MAPK8: variants seen among roughly 807,000 people sequenced by gnomAD.
MAPK8 encodes the protein JUN N-terminal kinase.
In MAPK8, 13 loss-of-function variants were observed where a neutral mutation model predicts 52.9. That is an observed-to-expected ratio of 0.25 (90% CI 0.16 to 0.39). The LOEUF (loss-of-function observed/expected upper bound fraction) is 0.39. Ranked by LOEUF, MAPK8 falls within the 10% of genes least tolerant of loss-of-function variation. MAPK8 has a pLI of 1.00. For missense variants in MAPK8, 300 were observed against 519.2 expected, an observed-to-expected ratio of 0.58 and a Z score of 4.10; for synonymous variants, 191 against 169.8, an observed-to-expected ratio of 1.12 and a Z score of -0.97.
At chr10:48,319,951 T>C (rs562873623) in intron 1 of MAPK8, among the ~76,000 whole-genome samples, 1 of 147,884 alleles carries the variant, frequency 6.8e-6, no homozygotes, top group Admixed American at 6.8e-5. Flanking sequence ...AGTTTCACCC[T>C]TGTTGCCCAG....
chr10:48,404,740 T>A, intron 2 of MAPK8, 112 bp from the exon 3 acceptor site: 1 of 740,284 alleles, frequency 1.4e-6, no homozygotes. Context: ...TTGGAAGGGA[T>A]CCAGTTACTT....
At chr10:48,324,503 G>GTTTTTTTTTTTGTT (rs1843293429) in intron 1 of MAPK8, among the ~76,000 whole-genome samples, 1 of 118,020 alleles carries the variant, frequency 8.5e-6, no homozygotes, top group African/African-American at 3.6e-5. Flanking sequence ...CTGTTTTCTA[G>GTTTTTTTTTTTGTT]TTTTTTTTTT....
intron 5 of MAPK8, among the ~76,000 whole-genome samples, chr10:48,419,042 T>C (rs2043209580): frequency 2.0e-5 from 3 of 152,192 alleles, no homozygotes; most frequent in Admixed American, 2.0e-4. Context: ...ATTTACAGAA[T>C]ACCAATAATG....
chr10:48,409,059 T>G (rs1336261665), intron 3 of MAPK8, among the ~76,000 whole-genome samples: 4 of 152,142 alleles, frequency 2.6e-5, no homozygotes, highest in African/African-American at 9.7e-5. Context: ...TCACATTGGG[T>G]GCTAGGAGTT....
At chr10:48,318,011 C>T (rs1842667855) in intron 1 of MAPK8, among the ~76,000 whole-genome samples, 1 of 150,884 alleles carries the variant, frequency 6.6e-6, no homozygotes, top group Admixed American at 6.6e-5. Flanking sequence ...TGAATTTACC[C>T]AGGGTGAGAT....
intron 3 of MAPK8, among the ~76,000 whole-genome samples, chr10:48,408,385 C>G (rs2042577979): frequency 6.6e-6 from 1 of 152,102 alleles, no homozygotes; most frequent in Non-Finnish European, 1.5e-5. Flanking sequence ...TTGTCAGAAT[C>G]TACAAAAGAG....
chr10:48,426,385 C>T lies in MAPK8; in HGVS notation c.877C>T (p.Gln293Ter). The T allele has an allele frequency of 6.2e-7, 1 of 1,604,466 alleles. No individual in the cohort carries two copies. Among genetic ancestry groups the T allele is most frequent in the Non-Finnish European group, 8.5e-7 (1 of 1,176,888 alleles). The change falls in exon 9 of 12, where the codon CAG becomes TAG. Residue 293 changes from glutamine (Q) to a stop codon, truncating the protein, a stop_gained. Transcript: ENST00000374189. LOFTEE classifies it high-confidence loss of function. ...DSEHNKLKAS[Q>*]ARDLLSKMLV... ...TAACACCATTATGTTTGCAGCCAGT[C>T]AGGCAAGGGATTTGTTATCCAAAAT...
At chr10:48,346,897 A>G (rs1845839871) in intron 1 of MAPK8, among the ~76,000 whole-genome samples, 1 of 152,206 alleles carries the variant, frequency 6.6e-6, no homozygotes, top group Non-Finnish European at 1.5e-5. Flanking sequence ...TCCAGTGGAC[A>G]TGTGACCCAC....
At chr10:48,398,055 G>C (rs1183080349) in intron 1 of MAPK8, among the ~76,000 whole-genome samples, 1 of 152,186 alleles carries the variant, frequency 6.6e-6, no homozygotes, top group Non-Finnish European at 1.5e-5. Context: ...TCCTCATTTT[G>C]ATAGTTGTAC....
chr10:48,348,152 G>C (rs770584863), intron 1 of MAPK8, among the ~76,000 whole-genome samples: 7 of 152,204 alleles, frequency 4.6e-5, no homozygotes, highest in Non-Finnish European at 8.8e-5. Flanking sequence ...GTGATGATGA[G>C]CTTTTCTTCA....
chr10:48,411,093 A>G (rs1589226901), intron 5 of MAPK8, among the ~76,000 whole-genome samples: 1 of 152,180 alleles, frequency 6.6e-6, no homozygotes, highest in African/African-American at 2.4e-5. Context: ...CACTTTGCTG[A>G]TGATTTCCTT....
intron 1 of MAPK8, among the ~76,000 whole-genome samples, chr10:48,389,081 G>A (rs2041484489): frequency 6.6e-6 from 1 of 152,066 alleles, no homozygotes; most frequent in South Asian, 2.1e-4. Flanking sequence ...TGTTGGAATA[G>A]GCCTTCTTAG....
chr10:48,311,921 C>T (rs566607663), intron 1 of MAPK8, among the ~76,000 whole-genome samples: 10 of 152,240 alleles, frequency 6.6e-5, no homozygotes, highest in African/African-American at 2.2e-4. Context: ...TCCAGGTATT[C>T]GGTGATGTAG....
chr10:48,356,281 GAC>G (rs1435556058), intron 1 of MAPK8, among the ~76,000 whole-genome samples: 4 of 152,146 alleles, frequency 2.6e-5, no homozygotes, highest in African/African-American at 9.7e-5. Context: ...GGACAGTAAA[GAC>G]ACATAACTTT....
At chr10:48,430,218 C>G (rs575455003) in intron 10 of MAPK8, 1 of 152,272 alleles carries the variant, frequency 6.6e-6, no homozygotes, top group African/African-American at 2.4e-5. Flanking sequence ...CTCAGCCTCC[C>G]GAGTAGCTGG....
intron 5 of MAPK8, among the ~76,000 whole-genome samples, chr10:48,412,103 C>A (rs2042788215): frequency 6.6e-6 from 1 of 152,202 alleles, no homozygotes; most frequent in South Asian, 2.1e-4. Context: ...GCCTTGGCCT[C>A]CCAGAGTGCT....
Position 48,438,907 on chromosome 10 carries a change from G to A in MAPK8, c.*3878G>A, listed in dbSNP as rs1359533461. The A allele has an allele frequency of 6.6e-6, 1 of 152,172 alleles. No homozygotes were observed. Among genetic ancestry groups the A allele is most frequent in the South Asian group, 2.1e-4 (1 of 4,834 alleles). The allele number at this position is 152,172 out of a possible 1,614,324, so 9.4% of individuals were successfully genotyped here. On this transcript the variant is annotated 3_prime_UTR_variant, in exon 12 of 12. Transcript: ENST00000374189. Reference sequence around the variant, plus strand: ...CATTTTACAAAAGGAGTAAATCTTAGTAAAAATTTTACGAAGAAATAAATT... The same window carrying A: ...CATTTTACAAAAGGAGTAAATCTTAATAAAAATTTTACGAAGAAATAAATT...
intron 1 of MAPK8, among the ~76,000 whole-genome samples, chr10:48,362,567 G>A: frequency 1.0e-5 from 1 of 99,996 alleles, no homozygotes; most frequent in Non-Finnish European, 1.9e-5. Flanking sequence ...GTGGGGGGTG[G>A]GAAGTGGGTA....
chr10:48,339,647 G>A (rs1210435898), intron 1 of MAPK8, among the ~76,000 whole-genome samples: 2 of 152,114 alleles, frequency 1.3e-5, no homozygotes, highest in Non-Finnish European at 2.9e-5. Flanking sequence ...ATGGAAGAAA[G>A]TATTTGCAAA....
Sources: allele counts gnomAD v4.1 joint callset (sites outside exome capture counted in the v4.1 genomes callset), GRCh38; gene constraint gnomAD v4.1.1; transcripts MANE v1.5; gene names NCBI Gene and HGNC (gene_info 2026-07-23, HGNC 2026-07-21).